SIPA1L2: variants seen among roughly 807,000 people sequenced by gnomAD.
SIPA1L2 encodes signal-induced proliferation-associated 1-like protein 2.
SIPA1L2 carries 56 observed loss-of-function variants against 163.9 expected under a neutral mutation model. The ratio of observed to expected loss-of-function variants is 0.34; its 90% CI spans 0.28 to 0.43. SIPA1L2 has a LOEUF of 0.43. Among genes scored for constraint, SIPA1L2 ranks in the 20% least tolerant of loss-of-function variants. SIPA1L2 has a pLI of 1.00. For synonymous variants in SIPA1L2, 877 were observed against 865.7 expected (o/e 1.01, Z -0.23); for missense variants, 1,974 against 2,193.5 (o/e 0.90, Z 2.00).
At chr1:232,551,856 T>C (rs10910556) in intron 2 of SIPA1L2, among the ~76,000 whole-genome samples, 1 of 152,160 alleles carries the variant, frequency 6.6e-6, no homozygotes, top group South Asian at 2.1e-4. Flanking sequence ...ATTTTCCCCA[T>C]GAGAAGAAGT....
intron 2 of SIPA1L2, among the ~76,000 whole-genome samples, chr1:232,547,484 C>A (rs58816678): frequency 0.058 from 8,568 of 146,946 alleles, 668 homozygotes; most frequent in African/African-American, 0.18. Flanking sequence ...GGCAGAATCA[C>A]AGGTTTCATT....
chr1:232,485,270 G>A (rs1665589773), intron 5 of SIPA1L2, among the ~76,000 whole-genome samples: 1 of 152,228 alleles, frequency 6.6e-6, no homozygotes, highest in Non-Finnish European at 1.5e-5. Context: ...TGCAGTTCAT[G>A]GGCCTTGGGA....
At chr1:232,575,189 C>A (rs1438074293) in intron 1 of SIPA1L2, among the ~76,000 whole-genome samples, 1 of 152,182 alleles carries the variant, frequency 6.6e-6, no homozygotes, top group Non-Finnish European at 1.5e-5. Context: ...ACTATATAAA[C>A]ATGGGTTTAT....
intron 2 of SIPA1L2, among the ~76,000 whole-genome samples, chr1:232,563,724 TTTTG>T (rs1283556300): frequency 6.6e-6 from 1 of 152,202 alleles, no homozygotes; most frequent in East Asian, 1.9e-4. Flanking sequence ...AAGCTTTTTG[TTTTG>T]TTTTATGACG....
chr1:232,570,397 C>T (rs1054988041), intron 2 of SIPA1L2, among the ~76,000 whole-genome samples: 1 of 152,168 alleles, frequency 6.6e-6, no homozygotes. Context: ...GCCGTCTCCT[C>T]GGTTCTGACG....
In SIPA1L2 at chr1:232,553,370, T is replaced by C. The variant is rs79677985; in HGVS notation, c.-270+20804A>G. ...TGGAGCCTGGGGTTTGGGGTTTATA[T>C]GGGTACAGGACGGGGGGGCGTAGTG... is the stretch of plus-strand genomic sequence containing the variant. On this transcript the variant is annotated intron_variant, in intron 2 of 22. Transcript: ENST00000674635. Among the ~76,000 whole-genome samples, 1,121 of 152,134 alleles carry C rather than the reference T, an allele frequency of 7.4e-3. 6 individuals are homozygous for C. The highest frequency in any genetic ancestry group is 0.012 in the Non-Finnish European group (829 of 67,988).
chr1:232,514,416 C>G lies in SIPA1L2; in HGVS notation c.924G>C (p.Thr308=). The G allele has an allele frequency of 6.2e-7, 1 of 1,614,164 alleles. No individual in the cohort carries two copies. Among genetic ancestry groups the G allele is most frequent in the Non-Finnish European group, 8.5e-7 (1 of 1,180,036 alleles). Residue 308 remains threonine (T), a synonymous_variant, in exon 3 of 23, where the codon ACG becomes ACC. Coordinates refer to ENST00000674635, the MANE Select transcript of SIPA1L2 (RefSeq NM_020808.5). ...VKSEHETFKF[T]SELEESRLER... ...CCAGTCGGCTCTCCTCCAGCTCAGA[C>G]GTGAACTTGAAAGTTTCGTGCTCAC...
chr1:232,544,221 T>C (rs930503509), intron 2 of SIPA1L2, among the ~76,000 whole-genome samples: 7 of 152,064 alleles, frequency 4.6e-5, no homozygotes, highest in East Asian at 1.9e-4. Context: ...TCTTGGGACA[T>C]AGGCAATGTT....
At chr1:232,578,074 C>T (rs1242659606) in intron 1 of SIPA1L2, among the ~76,000 whole-genome samples, 2 of 152,200 alleles carry the variant, frequency 1.3e-5, no homozygotes, top group Admixed American at 1.3e-4. Flanking sequence ...GATCAGTCAA[C>T]AGCCATCAAC....
intron 18 of SIPA1L2, among the ~76,000 whole-genome samples, chr1:232,419,529 T>C (rs943525197): frequency 6.6e-6 from 1 of 152,174 alleles, no homozygotes; most frequent in Non-Finnish European, 1.5e-5. Context: ...CTCATGATAA[T>C]GAGTGAGTTC....
At chr1:232,503,431 G>A (rs920424759) in intron 3 of SIPA1L2, among the ~76,000 whole-genome samples, 1 of 152,176 alleles carries the variant, frequency 6.6e-6, no homozygotes, top group East Asian at 1.9e-4. Flanking sequence ...AGGTTTAAGT[G>A]GTAACTCACT....
intron 3 of SIPA1L2, among the ~76,000 whole-genome samples, chr1:232,500,742 A>G (rs1373417167): frequency 6.6e-6 from 1 of 152,212 alleles, no homozygotes; most frequent in Non-Finnish European, 1.5e-5. Context: ...AACAACAAAG[A>G]ATTTAGAATA....
intron 2 of SIPA1L2, among the ~76,000 whole-genome samples, chr1:232,537,588 C>G (rs1001919882): frequency 6.6e-6 from 1 of 152,074 alleles, no homozygotes; most frequent in Non-Finnish European, 1.5e-5. Flanking sequence ...TGTCCGTCAC[C>G]CTTGTTTAGC....
At chr1:232,504,489 G>T (rs1348290066) in intron 3 of SIPA1L2, among the ~76,000 whole-genome samples, 1 of 151,846 alleles carries the variant, frequency 6.6e-6, no homozygotes, top group African/African-American at 2.4e-5. Flanking sequence ...AGTGAGCCGA[G>T]ATCGTGCCAC....
chr1:232,490,365 C>G (rs969086885), intron 5 of SIPA1L2, among the ~76,000 whole-genome samples: 1 of 152,172 alleles, frequency 6.6e-6, no homozygotes, highest in Non-Finnish European at 1.5e-5. Flanking sequence ...ACATTTACAC[C>G]TCTCCAAGAT....
intron 1 of SIPA1L2, among the ~76,000 whole-genome samples, chr1:232,591,702 T>C (rs1660970440): frequency 6.6e-6 from 1 of 152,084 alleles, no homozygotes; most frequent in Non-Finnish European, 1.5e-5. Flanking sequence ...TCTAAGAAAA[T>C]CAAAAAGATG....
chr1:232,424,400 C>T (rs1438144542), intron 18 of SIPA1L2, among the ~76,000 whole-genome samples: 1 of 142,476 alleles, frequency 7.0e-6, no homozygotes, highest in East Asian at 2.1e-4. Flanking sequence ...AATGTAAGAC[C>T]AACATAACAC....
chr1:232,527,422 T>C (rs1472107175), intron 2 of SIPA1L2, among the ~76,000 whole-genome samples: 2 of 152,214 alleles, frequency 1.3e-5, no homozygotes, highest in African/African-American at 4.8e-5. Context: ...AGGGATACCA[T>C]TTTAATTCAC....
chr1:232,563,723 G>A (rs1659175163), intron 2 of SIPA1L2, among the ~76,000 whole-genome samples: 1 of 152,090 alleles, frequency 6.6e-6, no homozygotes, highest in Non-Finnish European at 1.5e-5. Context: ...AAAGCTTTTT[G>A]TTTTGTTTTA....
Sources: allele counts gnomAD v4.1 joint callset (sites outside exome capture counted in the v4.1 genomes callset), GRCh38; gene constraint gnomAD v4.1.1; transcripts MANE v1.5; gene names NCBI Gene and HGNC (gene_info 2026-07-23, HGNC 2026-07-21).